PLCB4: variants seen among roughly 807,000 people sequenced by gnomAD.
The protein encoded by PLCB4 is 1-phosphatidylinositol 4,5-bisphosphate phosphodiesterase beta-4.
PLCB4 carries 77 observed loss-of-function variants against 178.8 expected under a neutral mutation model. The ratio of observed to expected loss-of-function variants is 0.43; its 90% CI spans 0.36 to 0.52. The LOEUF (loss-of-function observed/expected upper bound fraction) is 0.52, where lower values mean the gene tolerates loss of function less well. Ranked by LOEUF, PLCB4 falls within the 20% of genes least tolerant of loss-of-function variation. The pLI, the probability that PLCB4 is intolerant of heterozygous loss-of-function variation, is 0.00. For synonymous variants in PLCB4, 496 were observed against 490.8 expected (o/e 1.01, Z -0.14); for missense variants, 1,024 against 1,453.4 (o/e 0.70, Z 4.80).
rs999602843 is a variant in PLCB4 at position 9,475,412 on chromosome 20, G to A, written c.3496-1305G>A. ...GTTCTTGCATTAAACTGCTAGATTAGTGATAGCTGTATTGATTAGATTGTA... is the reference window on the plus strand; with the variant it reads ...GTTCTTGCATTAAACTGCTAGATTAATGATAGCTGTATTGATTAGATTGTA... On this transcript the variant is annotated intron_variant, in intron 38 of 39. Coordinates refer to ENST00000378473, the MANE Select transcript of PLCB4 (RefSeq NM_001377142.1). Among the ~76,000 whole-genome samples, 8 of 152,186 alleles carry A rather than the reference G, an allele frequency of 5.3e-5. 1 individual carries two copies. The highest frequency in any genetic ancestry group is 1.9e-4 in the African/African-American group (8 of 41,458).
At chr20:9,148,775 C>G (rs556383397) in intron 2 of PLCB4, among the ~76,000 whole-genome samples, 2 of 152,278 alleles carry the variant, frequency 1.3e-5, no homozygotes, top group South Asian at 4.1e-4. Context: ...GTCAAAGTAG[C>G]TGTTTTCGTG....
chr20:9,328,159 A>G (rs2031022927), intron 4 of PLCB4, among the ~76,000 whole-genome samples: 1 of 152,224 alleles, frequency 6.6e-6, no homozygotes, highest in South Asian at 2.1e-4. Context: ...TAAATTTAGC[A>G]GGCAGCAACT....
Position 9,337,017 on chromosome 20 carries a change from A to C in PLCB4, c.85-109A>C. The C allele has an allele frequency of 5.5e-6, 4 of 730,058 alleles. No homozygotes were observed. In the Admixed American group the frequency reaches 7.9e-5, roughly 14 times the overall value. 45.2% of individuals were successfully genotyped at this position (730,058 alleles called of 1,614,324 possible). A position where few individuals can be genotyped will look rare whatever the true frequency, so the allele number is the denominator to read the frequency against. On this transcript the variant is annotated intron_variant, in intron 4 of 39. Coordinates refer to ENST00000378473, the MANE Select transcript of PLCB4 (RefSeq NM_001377142.1). ...TAATACAATAAGAATTGTGGATATT[A>C]CATACAAAAGAGTGATTTCTAATTT... is the stretch of plus-strand genomic sequence containing the variant.
Position 9,366,746 on chromosome 20 carries a change from T to C in PLCB4, c.503+1232T>C, listed in dbSNP as rs377175457. Among the ~76,000 whole-genome samples the C allele has an allele frequency of 2.4e-4, 37 of 152,350 alleles. No homozygotes were observed. The East Asian group carries it at 7.1e-3, about 29-fold the overall frequency. ...ACATGAAGACAGGCATGTATCTGGA[T>C]TCGTGAACCTAAGCCCACAACCAGA... On this transcript the variant is annotated intron_variant, in intron 9 of 39. Transcript: ENST00000378473.
At chr20:9,122,592 T>C (rs2091994529) in intron 2 of PLCB4, among the ~76,000 whole-genome samples, 1 of 152,204 alleles carries the variant, frequency 6.6e-6, no homozygotes, top group Non-Finnish European at 1.5e-5. Context: ...TAACTAGCCA[T>C]GCACTCTTAA....
chr20:9,173,470 G>T (rs1568891990), intron 2 of PLCB4, among the ~76,000 whole-genome samples: 1 of 152,144 alleles, frequency 6.6e-6, no homozygotes, highest in Non-Finnish European at 1.5e-5. Context: ...GTAACAAACT[G>T]CCGTAAACTT....
intron 7 of PLCB4, among the ~76,000 whole-genome samples, chr20:9,354,491 C>T (rs2034613392): frequency 6.6e-6 from 1 of 152,156 alleles, no homozygotes; most frequent in Non-Finnish European, 1.5e-5. Context: ...TGTTAAAATG[C>T]AGATTACTGG....
intron 37 of PLCB4, 150 bp downstream of exon 37, chr20:9,472,997 A>G: frequency 1.7e-6 from 1 of 576,200 alleles, no homozygotes; most frequent in South Asian, 2.6e-5. Flanking sequence ...AGCTAAAATA[A>G]TGTCTCACTA....
At chr20:9,471,802 A>G (rs1215459223) in intron 36 of PLCB4, among the ~76,000 whole-genome samples, 1 of 152,052 alleles carries the variant, frequency 6.6e-6, no homozygotes, top group Non-Finnish European at 1.5e-5. Flanking sequence ...ATGGAAATGC[A>G]GTTGGGGACA....
chr20:9,072,409 G>T (rs1406309880), intron 1 of PLCB4, among the ~76,000 whole-genome samples: 2 of 151,592 alleles, frequency 1.3e-5, no homozygotes, highest in East Asian at 3.9e-4. Flanking sequence ...TATTTATCTA[G>T]TTATGCCTTA....
At chr20:9,104,409 G>A (rs962266440) in intron 2 of PLCB4, among the ~76,000 whole-genome samples, 3 of 152,102 alleles carry the variant, frequency 2.0e-5, no homozygotes, top group African/African-American at 4.8e-5. Flanking sequence ...TTCAAGGAGT[G>A]GGAATACAGA....
intron 2 of PLCB4, among the ~76,000 whole-genome samples, chr20:9,100,368 A>T (rs1393491599): frequency 6.6e-6 from 1 of 152,108 alleles, no homozygotes; most frequent in Non-Finnish European, 1.5e-5. Context: ...ATTTAATTTT[A>T]TTTGTTATTG....
At chr20:9,457,593 G>T in intron 34 of PLCB4, 104 bp downstream of exon 34, 1 of 701,732 alleles carries the variant, frequency 1.4e-6, no homozygotes, top group Admixed American at 2.2e-5. Flanking sequence ...GCCCAGAGCT[G>T]GTCTAGTAGC....
chr20:9,189,796 C>T (rs1023947066), intron 2 of PLCB4, among the ~76,000 whole-genome samples: 1 of 152,148 alleles, frequency 6.6e-6, no homozygotes, highest in African/African-American at 2.4e-5. Flanking sequence ...GCAAAAGGAC[C>T]TGGCTAGTTT....
chr20:9,106,409 A>G (rs2091364627), intron 2 of PLCB4, among the ~76,000 whole-genome samples: 1 of 151,970 alleles, frequency 6.6e-6, no homozygotes, highest in Non-Finnish European at 1.5e-5. Flanking sequence ...GTTTTTTTTC[A>G]AACTGCACTG....
intron 3 of PLCB4, among the ~76,000 whole-genome samples, chr20:9,229,821 C>T (rs1472313077): frequency 5.3e-5 from 8 of 152,102 alleles, no homozygotes; most frequent in Non-Finnish European, 1.2e-4. Context: ...AGCCCAGCAT[C>T]CACGAGCTAT....
Position 9,380,174 on chromosome 20 carries a change from G to GA in PLCB4, c.853+18dup. 2 of 1,230,018 alleles carry GA rather than the reference G, an allele frequency of 1.6e-6. No homozygotes were observed. The highest frequency in any genetic ancestry group is 1.1e-6 in the Non-Finnish European group (1 of 876,102). The allele number at this position is 1,230,018 out of a possible 1,614,324, so 76.2% of individuals were successfully genotyped here. ...TTTGAAGAAAAAAGGTAATAAACAT[G>GA]AAAAAAGGACTTAAAAAAAAAAACA... is the stretch of plus-strand genomic sequence containing the variant. On this transcript the variant is annotated intron_variant, in intron 13 of 39. Transcript: ENST00000378473.
chr20:9,228,120 C>T (rs540191196), intron 3 of PLCB4, among the ~76,000 whole-genome samples: 2 of 152,272 alleles, frequency 1.3e-5, no homozygotes, highest in African/African-American at 4.8e-5. Flanking sequence ...ATTCCAGCAG[C>T]CTTTTGGAAA....
rs565011635 is a variant in PLCB4 at position 9,425,599 on chromosome 20, G to T, written c.2524+1647G>T. Among the ~76,000 whole-genome samples, 5 of 152,340 alleles carry T rather than the reference G, an allele frequency of 3.3e-5. No individual in the cohort carries two copies. The East Asian group carries it at 9.6e-4, about 29-fold the overall frequency. ...TACAATGTAGCTTATTACCCATGTT[G>T]TATTTAAGTATTTAGCCAAATTAAT... On this transcript the variant is annotated intron_variant, in intron 28 of 39. Transcript: ENST00000378473.
Sources: allele counts gnomAD v4.1 joint callset (sites outside exome capture counted in the v4.1 genomes callset), GRCh38; gene constraint gnomAD v4.1.1; transcripts MANE v1.5; gene names NCBI Gene and HGNC (gene_info 2026-07-23, HGNC 2026-07-21).